Variants in ANKRD6 observed in about 807,000 individuals in gnomAD.
The protein encoded by ANKRD6 is ankyrin repeat domain 6, also known as ankyrin repeat domain-containing protein 6.
A neutral mutation model predicts 82.3 loss-of-function variants in ANKRD6; 56 were observed. The observed-to-expected ratio is 0.68, with a 90% CI of 0.55 to 0.85. The LOEUF (loss-of-function observed/expected upper bound fraction) is 0.85. Among genes scored for constraint, ANKRD6 ranks in the 40% least tolerant of loss-of-function variants. The pLI is 0.00. For missense variants in ANKRD6, 852 were observed against 907.6 expected (o/e 0.94, Z 0.79); for synonymous variants, 347 against 352.1 (o/e 0.99, Z 0.16).
intron 1 of ANKRD6, among the ~76,000 whole-genome samples, chr6:89,461,322 A>G (rs1217565583): frequency 1.3e-5 from 2 of 152,202 alleles, no homozygotes; most frequent in South Asian, 4.1e-4. Flanking sequence ...TTCAGGTATC[A>G]TATATGCCTT....
intron 1 of ANKRD6, among the ~76,000 whole-genome samples, chr6:89,468,159 A>G (rs1438032570): frequency 6.6e-6 from 1 of 152,202 alleles, no homozygotes; most frequent in Admixed American, 6.5e-5. Context: ...TCTTAACCTA[A>G]GGAAGTTTCT....
chr6:89,558,277 G>A (rs749229534), intron 1 of ANKRD6, among the ~76,000 whole-genome samples: 3 of 152,126 alleles, frequency 2.0e-5, no homozygotes, highest in Non-Finnish European at 4.4e-5. Context: ...AATGTTTATA[G>A]CATTTTTATT....
At chr6:89,498,514 TTA>T (rs201744228) in intron 1 of ANKRD6, among the ~76,000 whole-genome samples, 18 of 146,118 alleles carry the variant, frequency 1.2e-4, no homozygotes, top group African/African-American at 2.2e-4. Flanking sequence ...AGATTTCCCT[TTA>T]TATATATATA....
chr6:89,468,490 T>C (rs1303282339), intron 1 of ANKRD6, among the ~76,000 whole-genome samples: 1 of 151,020 alleles, frequency 6.6e-6, no homozygotes, highest in African/African-American at 2.4e-5. Flanking sequence ...TATTTTTAAG[T>C]GTCTGAAGCG....
rs185744202 is a variant in ANKRD6 at position 89,546,756 on chromosome 6, A to G, written c.-143-20078A>G. Among the ~76,000 whole-genome samples the G allele has an allele frequency of 1.3e-4, 20 of 151,532 alleles. No individual in the cohort carries two copies. The East Asian group carries it at 3.7e-3, about 28-fold the overall frequency. Reference sequence around the variant, plus strand: ...GGGATTATAGGTATGAGCCTTGCCTATTATATATTTTTAACTGCAGTAAAC... The same window carrying G: ...GGGATTATAGGTATGAGCCTTGCCTGTTATATATTTTTAACTGCAGTAAAC... On this transcript the variant is annotated intron_variant, in intron 1 of 15. Transcript: ENST00000339746.
At chr6:89,622,263 G>A (rs966332144) in intron 10 of ANKRD6, among the ~76,000 whole-genome samples, 2 of 152,202 alleles carry the variant, frequency 1.3e-5, no homozygotes, top group East Asian at 1.9e-4. Context: ...CAGTACACGT[G>A]GGGGGCACAC....
intron 1 of ANKRD6, among the ~76,000 whole-genome samples, chr6:89,550,914 C>T (rs935149897): frequency 1.3e-5 from 2 of 151,788 alleles, no homozygotes; most frequent in Non-Finnish European, 2.9e-5. Context: ...AGAGACTGCA[C>T]CACTGCACTC....
intron 1 of ANKRD6, among the ~76,000 whole-genome samples, chr6:89,457,920 G>A (rs1399113660): frequency 2.0e-5 from 3 of 152,164 alleles, no homozygotes; most frequent in Non-Finnish European, 2.9e-5. Context: ...GGGGCCTTTG[G>A]GATGTAATAA....
chr6:89,505,735 T>C (rs1042515834), intron 1 of ANKRD6, among the ~76,000 whole-genome samples: 1 of 152,204 alleles, frequency 6.6e-6, no homozygotes, highest in African/African-American at 2.4e-5. Context: ...ATCCCACCTC[T>C]GGGTATATAT....
intron 6 of ANKRD6, among the ~76,000 whole-genome samples, chr6:89,612,638 G>A (rs915648869): frequency 6.6e-6 from 1 of 152,164 alleles, no homozygotes; most frequent in African/African-American, 2.4e-5. Flanking sequence ...TACAGTACGT[G>A]TCTGGCCAAT....
At chr6:89,599,106 C>T (rs994471515) in intron 3 of ANKRD6, among the ~76,000 whole-genome samples, 34 of 152,152 alleles carry the variant, frequency 2.2e-4, no homozygotes, top group African/African-American at 8.2e-4. Flanking sequence ...GGCCTGGTGG[C>T]TCACACCTGT....
At chr6:89,541,073 T>G (rs369912730) in intron 1 of ANKRD6, among the ~76,000 whole-genome samples, 4 of 152,262 alleles carry the variant, frequency 2.6e-5, no homozygotes, top group Admixed American at 1.3e-4. Flanking sequence ...TCCTCCAGTT[T>G]TCTTCTTTTT....
chr6:89,570,249 C>T (rs1355235980), intron 2 of ANKRD6, among the ~76,000 whole-genome samples: 2 of 151,988 alleles, frequency 1.3e-5, no homozygotes, highest in African/African-American at 4.8e-5. Flanking sequence ...ATTGTTAAGA[C>T]AGGGTCTCCC....
intron 5 of ANKRD6, among the ~76,000 whole-genome samples, chr6:89,606,437 A>G (rs1482231206): frequency 6.6e-6 from 1 of 152,170 alleles, no homozygotes; most frequent in Non-Finnish European, 1.5e-5. Context: ...AAATCAGCAA[A>G]AGAACTTTAA....
chr6:89,476,157 ATGTTTTTG>A (rs1229965731), intron 1 of ANKRD6, among the ~76,000 whole-genome samples: 1 of 151,876 alleles, frequency 6.6e-6, no homozygotes, highest in Non-Finnish European at 1.5e-5. Flanking sequence ...TAATATGTGT[ATGTTTTTG>A]TGTTTTTGTT....
chr6:89,482,359 A>G (rs750806106), intron 1 of ANKRD6, among the ~76,000 whole-genome samples: 18 of 152,344 alleles, frequency 1.2e-4, no homozygotes, highest in Middle Eastern at 6.8e-3. Context: ...TGCTTGGACT[A>G]TTTTTGAGCA....
At chr6:89,538,005 A>G (rs1339469157) in intron 1 of ANKRD6, among the ~76,000 whole-genome samples, 1 of 152,206 alleles carries the variant, frequency 6.6e-6, no homozygotes, top group Non-Finnish European at 1.5e-5. Flanking sequence ...TTCATCCTCA[A>G]CTACAGCATT....
chr6:89,621,948 C>T lies in ANKRD6; in HGVS notation c.819C>T (p.Ser273=), dbSNP rs1190679443. 6.2e-7 allele frequency: 1 copy of T among 1,613,884 alleles called. No individual in the cohort carries two copies. Among genetic ancestry groups the T allele is most frequent in the South Asian group, 1.1e-5 (1 of 91,076 alleles). The stretch of plus-strand genomic sequence containing the variant: ...TCTTGCGCTTCAGTCGTGGGCGAAG[C>T]CTGAGGAAAAAGAGAGAGAGGCTCA... ...PQVLRFSRGR[S]LRKKRERLKE... Residue 273 remains serine (S), a synonymous_variant, in exon 10 of 16, where the codon AGC becomes AGT. Coordinates refer to ENST00000339746, the MANE Select transcript of ANKRD6 (RefSeq NM_001242809.2).
chr6:89,433,962 T>G lies in ANKRD6; in HGVS notation c.-144+587T>G, dbSNP rs564928580. Among the ~76,000 whole-genome samples, 1 of 152,278 alleles carries G rather than the reference T, an allele frequency of 6.6e-6. No homozygotes were observed. Among genetic ancestry groups the G allele is most frequent in the South Asian group, 2.1e-4 (1 of 4,822 alleles). On this transcript the variant is annotated intron_variant, in intron 1 of 15. Coordinates refer to ENST00000339746, the MANE Select transcript of ANKRD6 (RefSeq NM_001242809.2). The surrounding 1 kb of genome is among the most constrained non-coding windows in gnomAD (Gnocchi z 4.3). Reference sequence around the variant, plus strand: ...GACATCAGCTCACCCAAGCTTATCTTGGGCTTTTAAGTGTGTTGCTTCCGG... The same window carrying G: ...GACATCAGCTCACCCAAGCTTATCTGGGGCTTTTAAGTGTGTTGCTTCCGG...
Sources: allele counts gnomAD v4.1 joint callset (sites outside exome capture counted in the v4.1 genomes callset), GRCh38; gene constraint gnomAD v4.1.1; non-coding constraint Gnocchi (gnomAD v3.1); transcripts MANE v1.5; gene names NCBI Gene and HGNC (gene_info 2026-07-23, HGNC 2026-07-21).